Variants in PLOD2 observed in about 807,000 individuals in gnomAD.
The protein encoded by PLOD2 is lysine hydroxylase 2.
Under a neutral mutation model 101.0 loss-of-function variants are expected in PLOD2, and 65 were observed. That is an observed-to-expected ratio of 0.64 (90% CI 0.53 to 0.79). The LOEUF is 0.79. Ranked by LOEUF, PLOD2 falls within the 30% of genes least tolerant of loss-of-function variation. The pLI, the probability that PLOD2 is intolerant of heterozygous loss-of-function variation, is 0.00. For synonymous variants in PLOD2, 314 were observed against 302.9 expected, an observed-to-expected ratio of 1.04 and a Z score of -0.38; for missense variants, 909 against 914.6, an observed-to-expected ratio of 0.99 and a Z score of 0.08.
At chr3:146,117,599 T>C (rs1347400404) in intron 3 of PLOD2, among the ~76,000 whole-genome samples, 1 of 152,126 alleles carries the variant, frequency 6.6e-6, no homozygotes, top group Non-Finnish European at 1.5e-5. Flanking sequence ...TCATGGTAGG[T>C]AATGATGCAG....
At chr3:146,110,253 G>T in intron 4 of PLOD2, 32 bp downstream of exon 4, 1 of 1,592,440 alleles carries the variant, frequency 6.3e-7, no homozygotes, top group Middle Eastern at 1.7e-4. Flanking sequence ...TTTATAACTT[G>T]CATTAAACTT....
intron 3 of PLOD2, among the ~76,000 whole-genome samples, chr3:146,111,355 G>T (rs1458402856): frequency 2.0e-5 from 3 of 152,110 alleles, no homozygotes; most frequent in African/African-American, 7.2e-5. Flanking sequence ...TTTGAAGTCT[G>T]CCAGGTGGGT....
Position 146,080,569 on chromosome 3 carries a change from A to T in PLOD2, c.1358+1169T>A, listed in dbSNP as rs879775772. On this transcript the variant is annotated intron_variant, in intron 12 of 19. Transcript: ENST00000282903. ...TCCTTCGTGTAGCTTTTGGACATGA[A>T]GTGTATTCCAGATCAAAAGCTTCTG... Among the ~76,000 whole-genome samples the T allele has an allele frequency of 9.9e-5, 15 of 152,136 alleles. No homozygotes were observed. The South Asian group carries it at 1.0e-3, about 11-fold the overall frequency.
At position 146,070,488 on chromosome 3, in the gene PLOD2, A is replaced by C. The variant is rs2107989586; in HGVS notation, c.*229T>G. ...AACAAAGCATAGAAATAAATATTTA[A>C]GTTTTTTCTTTCTTTTCTTCTTCAA... On this transcript the variant is annotated 3_prime_UTR_variant, in exon 20 of 20. Coordinates refer to ENST00000282903, the MANE Select transcript of PLOD2 (RefSeq NM_182943.3). The C allele has an allele frequency of 3.0e-6, 1 of 329,780 alleles. No homozygotes were observed. Among genetic ancestry groups the C allele is most frequent in the South Asian group, 1.0e-4 (1 of 10,046 alleles). 20.4% of individuals were successfully genotyped at this position (329,780 alleles called of 1,614,324 possible).
At chr3:146,156,471 T>C (rs1333767322) in intron 1 of PLOD2, among the ~76,000 whole-genome samples, 1 of 152,266 alleles carries the variant, frequency 6.6e-6, no homozygotes, top group Non-Finnish European at 1.5e-5. Flanking sequence ...TTTAATTTCA[T>C]ATAATTTTCA....
At chr3:146,113,247 T>A (rs78214321) in intron 3 of PLOD2, among the ~76,000 whole-genome samples, 2,135 of 152,342 alleles carry the variant, frequency 0.014, 55 homozygotes, top group African/African-American at 0.048. Context: ...AAGAAAAATT[T>A]CACGTTGCTG....
Position 146,137,261 on chromosome 3 carries a change from T to C in PLOD2, c.110-13032A>G, listed in dbSNP as rs116105891. On this transcript the variant is annotated intron_variant, in intron 1 of 19. Coordinates refer to ENST00000282903, the MANE Select transcript of PLOD2 (RefSeq NM_182943.3). ...AATTGGCTTTATAGCACCATTTTGATGCAGTAAGAAGCTCTATCTGCCACA... is the reference window on the plus strand; with the variant it reads ...AATTGGCTTTATAGCACCATTTTGACGCAGTAAGAAGCTCTATCTGCCACA... 4.5e-3 allele frequency among the ~76,000 whole-genome samples: 685 copies of C among 152,270 alleles called. 9 individuals are homozygous for C. Among genetic ancestry groups the C allele is most frequent in the African/African-American group, 0.016 (660 of 41,560 alleles).
chr3:146,080,296 TAAC>T (rs777558419), intron 12 of PLOD2, among the ~76,000 whole-genome samples: 3 of 149,798 alleles, frequency 2.0e-5, no homozygotes, highest in African/African-American at 7.3e-5. Context: ...ACAGTAAGAC[TAAC>T]AACAATAATA....
chr3:146,081,970 G>C (rs1936558073), intron 11 of PLOD2, 107 bp from the exon 12 acceptor site: 2 of 898,314 alleles, frequency 2.2e-6, no homozygotes, highest in East Asian at 2.8e-5. Context: ...TATAACACAA[G>C]AAAGCTCATT....
chr3:146,094,840 C>G (rs541839244), intron 7 of PLOD2, among the ~76,000 whole-genome samples: 1 of 152,102 alleles, frequency 6.6e-6, no homozygotes, highest in Non-Finnish European at 1.5e-5. Context: ...GCTAGAGTAA[C>G]CAAAACAGCA....
chr3:146,071,072 A>C lies in PLOD2; in HGVS notation c.2091T>G (p.Ile697Met). 6.2e-7 allele frequency: 1 copy of C among 1,609,178 alleles called. No homozygotes were observed. The highest frequency in any genetic ancestry group is 8.5e-7 in the Non-Finnish European group (1 of 1,176,246). ...HHDASTFTIN[I>M]ALNNVGEDFQ... ...AGTCTTCTCCCACGTTATTAAGTGC[A>C]ATGTTTATGGTAAATGTAGAAGCAT... Residue 697 changes from isoleucine to methionine, a missense_variant, in exon 19 of 20, where the codon ATT becomes ATG. Coordinates refer to ENST00000282903, the MANE Select transcript of PLOD2 (RefSeq NM_182943.3).
Position 146,070,826 on chromosome 3 carries a change from G to C in PLOD2, c.2168C>G (p.Pro723Arg), listed in dbSNP as rs373119655. The C allele has an allele frequency of 1.2e-6, 2 of 1,610,242 alleles. No homozygotes were observed. The highest frequency in any genetic ancestry group is 2.7e-5 in the African/African-American group (2 of 74,700). ...ATGCATGAAGCTCCAGCCTTTTCGT[G>C]GTGACTCAATAGAGCAATTGTACCT... The part of the protein sequence containing the change: ...FLRYNCSIES[P>R]RKGWSFMHPG... Residue 723 changes from proline (P) to arginine (R), a missense_variant, in exon 20 of 20, where the codon CCA (proline) becomes CGA (arginine). By Grantham distance (103) the Pro-to-Arg change is moderately radical. Coordinates refer to ENST00000282903, the MANE Select transcript of PLOD2 (RefSeq NM_182943.3).
At chr3:146,083,572 TTTTTC>T (rs1936640377) in intron 11 of PLOD2, among the ~76,000 whole-genome samples, 2 of 47,078 alleles carry the variant, frequency 4.2e-5, no homozygotes, top group East Asian at 7.9e-4. Flanking sequence ...CAGGTAAGTC[TTTTTC>T]TTTTTTTTTT....
chr3:146,077,171 G>A (rs1039336032), intron 14 of PLOD2: 4 of 1,052,962 alleles, frequency 3.8e-6, no homozygotes, highest in East Asian at 7.9e-5. Context: ...GATCCTAGAT[G>A]TAGACATCGG....
At chr3:146,144,852 C>CAGA (rs149241867) in intron 1 of PLOD2, among the ~76,000 whole-genome samples, 1 of 151,576 alleles carries the variant, frequency 6.6e-6, no homozygotes, top group Non-Finnish European at 1.5e-5. Context: ...GATATACAAA[C>CAGA]AAAAAAATGA....
chr3:146,152,364 G>C (rs1006142983), intron 1 of PLOD2, among the ~76,000 whole-genome samples: 2 of 151,930 alleles, frequency 1.3e-5, no homozygotes, highest in African/African-American at 4.8e-5. Flanking sequence ...AGGTTGCAGT[G>C]AGCCGAGATT....
chr3:146,112,111 T>G (rs1208596206), intron 3 of PLOD2, among the ~76,000 whole-genome samples: 1 of 152,116 alleles, frequency 6.6e-6, no homozygotes, highest in Non-Finnish European at 1.5e-5. Flanking sequence ...AGATCTAGAA[T>G]CAGAAATGCC....
intron 1 of PLOD2, among the ~76,000 whole-genome samples, chr3:146,134,507 T>C (rs139684166): frequency 9.8e-5 from 15 of 152,316 alleles, no homozygotes; most frequent in Admixed American, 6.5e-4. Context: ...GAAACCTTCT[T>C]TGAGTGGGAT....
Position 146,070,559 on chromosome 3 carries a change from T to C in PLOD2, c.*158A>G. ...GCAGACATTAAGAAATATCAAACAA[T>C]TTTTTATAAAAAGTTTTTCAAATGT... On this transcript the variant is annotated 3_prime_UTR_variant, in exon 20 of 20. Coordinates refer to ENST00000282903, the MANE Select transcript of PLOD2 (RefSeq NM_182943.3). The C allele has an allele frequency of 1.8e-6, 1 of 557,354 alleles. No homozygotes were observed. The highest frequency in any genetic ancestry group is 3.2e-6 in the Non-Finnish European group (1 of 311,760). 34.5% of individuals were successfully genotyped at this position (557,354 alleles called of 1,614,324 possible).
Sources: allele counts gnomAD v4.1 joint callset (sites outside exome capture counted in the v4.1 genomes callset), GRCh38; gene constraint gnomAD v4.1.1; transcripts MANE v1.5; gene names NCBI Gene and HGNC (gene_info 2026-07-23, HGNC 2026-07-21).